The following CALN1 variants were observed in gnomAD, a reference collection of about 807,000 sequenced individuals.
CALN1 encodes calneuron 1, also known as calcium-binding protein 8.
CALN1 carries 17 observed loss-of-function variants against 30.6 expected under a neutral mutation model. The observed-to-expected ratio is 0.56, with a 90% confidence interval of 0.38 to 0.83. The LOEUF is 0.83. Among genes scored for constraint, CALN1 ranks in the 40% least tolerant of loss-of-function variants. The pLI is 0.00. For synonymous variants in CALN1, 156 were observed against 131.4 expected (o/e 1.19, Z -1.28); for missense variants, 291 against 354.9 (o/e 0.82, Z 1.45).
chr7:72,400,771 C>T (rs1488823444), intron 2 of CALN1, among the ~76,000 whole-genome samples: 3 of 152,154 alleles, frequency 2.0e-5, no homozygotes, highest in African/African-American at 7.2e-5. Context: ...CACCTCTGGC[C>T]TTAGATTTCA....
chr7:72,033,691 C>A (rs1801601118), intron 4 of CALN1, among the ~76,000 whole-genome samples: 1 of 152,058 alleles, frequency 6.6e-6, no homozygotes, highest in African/African-American at 2.4e-5. Context: ...ATAGAGGATC[C>A]CCATAGGAAG....
intron 3 of CALN1, among the ~76,000 whole-genome samples, chr7:72,156,443 G>C (rs1259263667): frequency 6.6e-6 from 1 of 152,150 alleles, no homozygotes; most frequent in Non-Finnish European, 1.5e-5. Context: ...ACCTGATGGA[G>C]AGTAGGCAGT....
chr7:72,334,827 G>T (rs938425208), intron 2 of CALN1, among the ~76,000 whole-genome samples: 1 of 152,176 alleles, frequency 6.6e-6, no homozygotes, highest in Admixed American at 6.5e-5. Context: ...CACCATTGTA[G>T]AACAGCTTCT....
intron 3 of CALN1, among the ~76,000 whole-genome samples, chr7:72,179,006 T>C (rs1789567220): frequency 1.3e-5 from 2 of 152,220 alleles, no homozygotes; most frequent in African/African-American, 4.8e-5. Flanking sequence ...ACATGCGAGA[T>C]ATTAAATGAA....
At chr7:71,939,021 G>C (rs961537175) in intron 5 of CALN1, among the ~76,000 whole-genome samples, 1 of 152,094 alleles carries the variant, frequency 6.6e-6, no homozygotes, top group Non-Finnish European at 1.5e-5. Flanking sequence ...CCAAAATGGA[G>C]TCCTGGAAGA....
intron 5 of CALN1, among the ~76,000 whole-genome samples, chr7:71,881,748 G>A (rs1447425906): frequency 6.6e-6 from 1 of 152,040 alleles, no homozygotes; most frequent in Non-Finnish European, 1.5e-5. Flanking sequence ...TACACTTAGT[G>A]GCTTACAACA....
At chr7:72,059,151 G>A (rs1264062634) in intron 4 of CALN1, among the ~76,000 whole-genome samples, 1 of 152,136 alleles carries the variant, frequency 6.6e-6, no homozygotes, top group African/African-American at 2.4e-5. Context: ...CCTTTATCAA[G>A]GAAAATTAAC....
intron 4 of CALN1, among the ~76,000 whole-genome samples, chr7:72,039,717 G>C (rs898326239): frequency 6.6e-6 from 1 of 152,210 alleles, no homozygotes; most frequent in Non-Finnish European, 1.5e-5. Flanking sequence ...AGAAGGAGGA[G>C]TAAGGGAAAA....
intron 2 of CALN1, among the ~76,000 whole-genome samples, chr7:72,386,963 G>A (rs1475297912): frequency 6.6e-6 from 1 of 151,500 alleles, no homozygotes; most frequent in African/African-American, 2.4e-5. Context: ...CGTCAGCTGA[G>A]GGGACCTAGA....
At chr7:72,405,126 G>A (rs76844265) in intron 1 of CALN1, among the ~76,000 whole-genome samples, 174 of 152,314 alleles carry the variant, frequency 1.1e-3, no homozygotes, top group Non-Finnish European at 1.9e-3. Context: ...AGATACGACA[G>A]GAAGGGTGTT....
chr7:72,397,710 T>TCACACA (rs1286894513), intron 2 of CALN1, among the ~76,000 whole-genome samples: 249 of 57,316 alleles, frequency 4.3e-3, no homozygotes, highest in Middle Eastern at 0.02. Context: ...GCACCCATTC[T>TCACACA]CTCTCACACA....
At chr7:72,390,723 C>T (rs983228149) in intron 2 of CALN1, among the ~76,000 whole-genome samples, 9 of 152,314 alleles carry the variant, frequency 5.9e-5, no homozygotes, top group African/African-American at 2.2e-4. Flanking sequence ...TATGCTTACC[C>T]TAACAGCACT....
chr7:72,134,326 G>A (rs1050249847), intron 3 of CALN1, among the ~76,000 whole-genome samples: 3 of 152,150 alleles, frequency 2.0e-5, no homozygotes, highest in African/African-American at 4.8e-5. Flanking sequence ...TTTTGTTATA[G>A]CAGCTCCAAA....
At chr7:72,181,055 G>A (rs969708165) in intron 3 of CALN1, among the ~76,000 whole-genome samples, 5 of 136,906 alleles carry the variant, frequency 3.7e-5, no homozygotes, top group Admixed American at 2.4e-4. Flanking sequence ...CCACGATCAC[G>A]CCACTGCACT....
intron 5 of CALN1, among the ~76,000 whole-genome samples, chr7:71,921,967 C>T (rs1405147634): frequency 1.3e-5 from 2 of 152,162 alleles, no homozygotes; most frequent in African/African-American, 2.4e-5. Context: ...CCTGTGCACA[C>T]ATTTCCATTA....
intron 3 of CALN1, among the ~76,000 whole-genome samples, chr7:72,135,739 G>A (rs1809464487): frequency 6.6e-6 from 1 of 152,144 alleles, no homozygotes; most frequent in Non-Finnish European, 1.5e-5. Context: ...AGCTGGACTG[G>A]CCCCTCACAA....
At chr7:72,411,977 T>C (rs1487431058) in intron 1 of CALN1, 81 bp downstream of exon 1, 2 of 152,158 alleles carry the variant, frequency 1.3e-5, no homozygotes, top group Non-Finnish European at 1.5e-5. Flanking sequence ...ACTATGAAAG[T>C]ACCCAGATGG....
At chr7:72,335,486 G>A (rs1801956259) in intron 2 of CALN1, among the ~76,000 whole-genome samples, 2 of 152,182 alleles carry the variant, frequency 1.3e-5, no homozygotes, top group Non-Finnish European at 2.9e-5. Context: ...AGAGGCTACT[G>A]TGGGTCACTC....
At chr7:72,476,815 G>A in the CALN1 span, among the ~76,000 whole-genome samples, 1 of 152,226 alleles carries the variant, frequency 6.6e-6, no homozygotes, top group East Asian at 1.9e-4. Flanking sequence ...TCAGACAGGG[G>A]CAGAGTCCCC....
Sources: gnomAD v4.1 joint callset for allele counts (sites outside exome capture counted in the v4.1 genomes callset) on GRCh38, gnomAD v4.1.1 for gene constraint, MANE v1.5 for transcripts, NCBI Gene and HGNC (gene_info 2026-07-23, HGNC 2026-07-21) for gene names.